The following INSC variants were observed in gnomAD, a reference collection of about 807,000 sequenced individuals.
INSC encodes INSC spindle orientation adaptor protein, also known as protein inscuteable homolog.
Under a neutral mutation model 58.6 loss-of-function variants are expected in INSC, and 67 were observed. That is an observed-to-expected ratio of 1.14 (90% CI 0.94 to 1.40). INSC has a LOEUF of 1.40. Among genes scored for constraint, INSC ranks in the 40% most tolerant of loss-of-function variants. The pLI is 0.00. For synonymous variants in INSC, 262 were observed against 276.1 expected (o/e 0.95, Z 0.51); for missense variants, 714 against 692.0 (o/e 1.03, Z -0.36).
upstream of INSC, among the ~76,000 whole-genome samples, chr11:15,111,681 G>C (rs1187064022): frequency 6.6e-6 from 1 of 152,132 alleles, no homozygotes. Flanking sequence ...CACCAGCTGT[G>C]AGGCCACAGA....
rs1377968339 is a variant in INSC, at chr11:15,240,517, C to T, written c.1464C>T (p.Ala488=). 2 of 1,613,212 alleles carry T rather than the reference C, an allele frequency of 1.2e-6. No individual in the cohort carries two copies. The highest frequency in any genetic ancestry group is 2.2e-5 in the East Asian group (1 of 44,814). ...ACAGCAGTGACGCCGTGCTTGTGGCCTGCCTGGTGAGTTCTCAGTCTTCCC... is the reference window on the plus strand; with the variant it reads ...ACAGCAGTGACGCCGTGCTTGTGGCTTGCCTGGTGAGTTCTCAGTCTTCCC... The part of the protein sequence containing the change: ...ERNSSDAVLV[A]CLAALRRLAG... Residue 488 remains alanine (A), a synonymous_variant, in exon 12 of 13, where the codon GCC becomes GCT. Transcript: ENST00000379556.
upstream of INSC, chr11:15,112,591 AGT>A (rs375142839): frequency 0.12 from 42,526 of 365,546 alleles, 4,879 homozygotes; most frequent in East Asian, 0.21. Context: ...GGTGGATGTG[AGT>A]GTGTGTGTGT....
At chr11:15,163,547 A>C (rs1052961477) in intron 2 of INSC, among the ~76,000 whole-genome samples, 3 of 151,862 alleles carry the variant, frequency 2.0e-5, no homozygotes, top group Non-Finnish European at 4.4e-5. Flanking sequence ...TTCTTACCTA[A>C]CTTTAATATT....
chr11:15,126,022 G>A (rs376270560), intron 1 of INSC, among the ~76,000 whole-genome samples: 3 of 152,294 alleles, frequency 2.0e-5, no homozygotes, highest in African/African-American at 7.2e-5. Flanking sequence ...GGGTTGTAAT[G>A]CTAAAAAGAG....
intron 2 of INSC, among the ~76,000 whole-genome samples, chr11:15,162,856 G>A (rs1424225107): frequency 3.3e-5 from 5 of 152,162 alleles, no homozygotes; most frequent in African/African-American, 1.2e-4. Context: ...AGAGGGACTG[G>A]ACTTCTTGAA....
At chr11:15,218,141 G>A (rs1256705870) in intron 7 of INSC, among the ~76,000 whole-genome samples, 4 of 152,150 alleles carry the variant, frequency 2.6e-5, no homozygotes, top group Non-Finnish European at 4.4e-5. Flanking sequence ...GACACCCATC[G>A]ACGGGAGAAT....
chr11:15,249,034 GC>G (rs1348531053), downstream of INSC, among the ~76,000 whole-genome samples: 1 of 152,044 alleles, frequency 6.6e-6, no homozygotes, highest in Non-Finnish European at 1.5e-5. Flanking sequence ...TAAGGACTCA[GC>G]CGCTGTGAGT....
At chr11:15,235,105 C>A in intron 9 of INSC, 1 of 195,562 alleles carries the variant, frequency 5.1e-6, no homozygotes, top group Non-Finnish European at 1.1e-5. Context: ...CTACTCATGC[C>A]CTCTAACGTG....
At chr11:15,256,641 C>G in the INSC span, among the ~76,000 whole-genome samples, 1 of 152,098 alleles carries the variant, frequency 6.6e-6, no homozygotes, top group Non-Finnish European at 1.5e-5. Flanking sequence ...AGGTGCCCAC[C>G]ACCACGCCCA....
At chr11:15,112,604 G>GC, upstream of INSC, 1 of 631,066 alleles carries the variant, frequency 1.6e-6, no homozygotes, top group South Asian at 4.8e-5. Context: ...GTGTGTGTGT[G>GC]TGTGTGTGTG....
At chr11:15,256,386 A>G in the INSC span, among the ~76,000 whole-genome samples, 33 of 152,202 alleles carry the variant, frequency 2.2e-4, no homozygotes, top group Non-Finnish European at 3.7e-4. Flanking sequence ...CACCATTTAG[A>G]TGGTGCATCT....
intron 1 of INSC, among the ~76,000 whole-genome samples, chr11:15,127,589 T>C (rs1415458105): frequency 1.3e-5 from 2 of 152,132 alleles, no homozygotes; most frequent in African/African-American, 4.8e-5. Flanking sequence ...TGGAGAGTAG[T>C]GAGTTATACT....
At chr11:15,224,395 G>T (rs1251794285) in intron 8 of INSC, among the ~76,000 whole-genome samples, 1 of 152,226 alleles carries the variant, frequency 6.6e-6, no homozygotes, top group Non-Finnish European at 1.5e-5. Context: ...GGATCAGAAT[G>T]TGCATTCACA....
chr11:15,240,160 T>C (rs1778928986), intron 11 of INSC, among the ~76,000 whole-genome samples: 1 of 152,188 alleles, frequency 6.6e-6, no homozygotes. Flanking sequence ...ATTTTCTGAT[T>C]GAAATTGGCA....
At chr11:15,217,773 A>C (rs1291416387) in intron 7 of INSC, among the ~76,000 whole-genome samples, 6 of 152,246 alleles carry the variant, frequency 3.9e-5, no homozygotes, top group Non-Finnish European at 8.8e-5. Flanking sequence ...AAATCAAAGC[A>C]AAATAATGAT....
At chr11:15,188,879 A>C (rs1850066794) in intron 5 of INSC, among the ~76,000 whole-genome samples, 1 of 152,232 alleles carries the variant, frequency 6.6e-6, no homozygotes, top group Non-Finnish European at 1.5e-5. Flanking sequence ...TTAGTATCAC[A>C]TGTGTAGCTG....
intron 8 of INSC, among the ~76,000 whole-genome samples, chr11:15,224,824 G>A (rs375186011): frequency 6.6e-6 from 1 of 152,192 alleles, no homozygotes; most frequent in South Asian, 2.1e-4. Flanking sequence ...GTAAATGGGG[G>A]AATTTGGTTA....
rs930120076 is a variant in INSC, at chr11:15,216,066, G to A, written c.820-5411G>A. Among the ~76,000 whole-genome samples, 6 of 152,314 alleles carry A rather than the reference G, an allele frequency of 3.9e-5. No homozygotes were observed. In the South Asian group the frequency reaches 8.3e-4, roughly 21 times the overall value. ...GGCTAGGTTTAGGGGTCATTGTAGC[G>A]AGTCACTGAGGCAACTTGGGTTTGG... On this transcript the variant is annotated intron_variant, in intron 7 of 12. Transcript: ENST00000379556.
intron 8 of INSC, 67 bp downstream of exon 8, chr11:15,221,715 C>A: frequency 6.9e-7 from 1 of 1,445,336 alleles, no homozygotes; most frequent in Non-Finnish European, 9.4e-7. Context: ...TCAGAAATAG[C>A]CAGGAAGGCC....
Sources: allele counts gnomAD v4.1 joint callset (sites outside exome capture counted in the v4.1 genomes callset), GRCh38; gene constraint gnomAD v4.1.1; transcripts MANE v1.5; gene names NCBI Gene and HGNC (gene_info 2026-07-23, HGNC 2026-07-21).